ZBTB25: variants seen among roughly 807,000 people sequenced by gnomAD.
ZBTB25 encodes zinc finger and BTB domain-containing protein 25.
Under a neutral mutation model 34.2 loss-of-function variants are expected in ZBTB25, and 20 were observed. The observed-to-expected ratio is 0.58, with a 90% CI of 0.41 to 0.85. ZBTB25 has a LOEUF of 0.85. Ranked by LOEUF, ZBTB25 falls within the 40% of genes least tolerant of loss-of-function variation. The pLI is 0.00. For synonymous variants in ZBTB25, 175 were observed against 186.4 expected, an observed-to-expected ratio of 0.94 and a Z score of 0.50; for missense variants, 437 against 521.8, an observed-to-expected ratio of 0.84 and a Z score of 1.58.
chr14:64,487,679 C>T lies in ZBTB25; in HGVS notation c.552G>A (p.Gln184=). Residue 184 remains glutamine, a synonymous_variant, in exon 3 of 3, where the codon CAG becomes CAA. Coordinates refer to ENST00000608382, the MANE Select transcript of ZBTB25 (RefSeq NM_006977.5). ...IGLDDGTADQ[Q]RACPATQALE... ...GGGCCTGGGTGGCAGGACAGGCCCT[C>T]TGCTGGTCTGCAGTGCCATCATCCA... The T allele has an allele frequency of 6.2e-7, 1 of 1,609,002 alleles. No homozygotes were observed. The highest frequency in any genetic ancestry group is 2.2e-5 in the East Asian group (1 of 44,826).
At position 64,480,026 on chromosome 14, in the gene ZBTB25, T is replaced by C. The variant is rs1465969595; in HGVS notation, c.*6897A>G. ...AAAAGGCGATACAGTAGACTGTAAA[T>C]AGAGAAGAAAGAAGCAGCTGGGCGC... On this transcript the variant is annotated 3_prime_UTR_variant, in exon 3 of 3. Transcript: ENST00000608382. The C allele has an allele frequency of 6.3e-6, 1 of 158,618 alleles. No individual in the cohort carries two copies. Among genetic ancestry groups the C allele is most frequent in the Non-Finnish European group, 1.4e-5 (1 of 72,200 alleles). The allele number at this position is 158,618 out of a possible 1,614,324, so 9.8% of individuals were successfully genotyped here.
chr14:64,500,807 T>C (rs536441332), intron 1 of ZBTB25, among the ~76,000 whole-genome samples: 2 of 152,254 alleles, frequency 1.3e-5, no homozygotes, highest in Admixed American at 6.5e-5. Context: ...TCCCAGCACT[T>C]TGGGAGGCCA....
At chr14:64,458,209 C>G (rs377481249) in intron 2 of ZBTB25, 2 of 1,601,616 alleles carry the variant, frequency 1.2e-6, no homozygotes, top group African/African-American at 2.7e-5. Flanking sequence ...TTTTTTACAT[C>G]CTAGATGAGC....
rs378678 is a variant in ZBTB25 at position 64,485,425 on chromosome 14, C to T, written c.*1498G>A. On this transcript the variant is annotated 3_prime_UTR_variant, in exon 3 of 3. Transcript: ENST00000608382. ...TGCGGGGTTTGAAATTTAAACATTT[C>T]AGAAACAATTTAGATCTATCCTTTG... 1 of 985,420 alleles carries T rather than the reference C, an allele frequency of 1.0e-6. No homozygotes were observed. Among genetic ancestry groups the T allele is most frequent in the South Asian group, 4.7e-5 (1 of 21,286 alleles). The allele number at this position is 985,420 out of a possible 1,614,324, so 61.0% of individuals were successfully genotyped here. A position where few individuals can be genotyped will look rare whatever the true frequency, so the allele number is the denominator to read the frequency against.
At chr14:64,477,093 A>G (rs769276717), downstream of ZBTB25, among the ~76,000 whole-genome samples, 2 of 152,210 alleles carry the variant, frequency 1.3e-5, no homozygotes, top group Non-Finnish European at 2.9e-5. Context: ...CCACTTGTCT[A>G]TCTTAGTTTA....
intron 1 of ZBTB25, among the ~76,000 whole-genome samples, chr14:64,496,354 G>GA: frequency 6.6e-6 from 1 of 151,676 alleles, no homozygotes; most frequent in East Asian, 1.9e-4. Flanking sequence ...GCACAGTGGC[G>GA]TGTGCCTGTA....
rs1030328260 is a variant in ZBTB25 at position 64,478,898 on chromosome 14, A to G, written c.*8025T>C. The G allele has an allele frequency of 2.6e-5, 4 of 152,236 alleles. No individual in the cohort carries two copies. The highest frequency in any genetic ancestry group is 5.9e-5 in the Non-Finnish European group (4 of 68,038). 9.4% of individuals were successfully genotyped at this position (152,236 alleles called of 1,614,324 possible). A position where few individuals can be genotyped will look rare whatever the true frequency, so the allele number is the denominator to read the frequency against. On this transcript the variant is annotated 3_prime_UTR_variant, in exon 3 of 3. Transcript: ENST00000608382. ...GCCAGATTAAAAATTCACAGAAATT[A>G]TAACCTACAATCTCAATTTCATGAA... is the stretch of plus-strand genomic sequence containing the variant.
chr14:64,505,111 G>A (rs1050877631), upstream of ZBTB25: 12 of 348,920 alleles, frequency 3.4e-5, no homozygotes, highest in Admixed American at 2.4e-4. Flanking sequence ...CGGCTGCCAG[G>A]CCGCCTGCTT....
At chr14:64,467,783 A>G (rs1366880927) in intron 2 of ZBTB25, 1 of 152,166 alleles carries the variant, frequency 6.6e-6, no homozygotes, top group Non-Finnish European at 1.5e-5. Flanking sequence ...TAAAGATTAC[A>G]TCAGCTTGCT....
At chr14:64,501,218 A>C (rs191437770) in intron 1 of ZBTB25, among the ~76,000 whole-genome samples, 4 of 152,220 alleles carry the variant, frequency 2.6e-5, no homozygotes, top group African/African-American at 9.6e-5. Context: ...TTATTTTCAA[A>C]ACCTATTATT....
chr14:64,491,267 A>T (rs2079066069), intron 1 of ZBTB25, among the ~76,000 whole-genome samples: 1 of 152,168 alleles, frequency 6.6e-6, no homozygotes, highest in Admixed American at 6.5e-5. Flanking sequence ...GGTATTGGAG[A>T]CCAACCTGAG....
chr14:64,495,275 C>T (rs2079228865), intron 1 of ZBTB25, among the ~76,000 whole-genome samples: 1 of 152,154 alleles, frequency 6.6e-6, no homozygotes, highest in Non-Finnish European at 1.5e-5. Context: ...GTTCTGCCTC[C>T]CCTATGGTGG....
At chr14:64,474,496 T>C (rs1289207026), downstream of ZBTB25, 3 of 167,022 alleles carry the variant, frequency 1.8e-5, no homozygotes, top group Non-Finnish European at 4.4e-5. Flanking sequence ...AAATGTTATA[T>C]TGACTCATGT....
At chr14:64,495,386 T>C (rs572623298) in intron 1 of ZBTB25, among the ~76,000 whole-genome samples, 110 of 152,324 alleles carry the variant, frequency 7.2e-4, no homozygotes, top group African/African-American at 2.6e-3. Flanking sequence ...CAAGCAGAGT[T>C]TATAAACAGT....
intron 2 of ZBTB25, chr14:64,455,127 C>T (rs938145761): frequency 1.3e-4 from 62 of 475,756 alleles, no homozygotes; most frequent in Non-Finnish European, 2.1e-4. Context: ...TTCTGTTTCC[C>T]AGGGACAGTA....
intron 2 of ZBTB25, chr14:64,454,001 G>A: frequency 1.4e-6 from 1 of 697,330 alleles, no homozygotes; most frequent in South Asian, 1.5e-5. Context: ...GAAATACTGA[G>A]TTTGGATTAG....
intron 1 of ZBTB25, among the ~76,000 whole-genome samples, chr14:64,501,728 C>T (rs573422452): frequency 5.3e-5 from 8 of 152,346 alleles, no homozygotes; most frequent in Non-Finnish European, 8.8e-5. Flanking sequence ...TTATGCAACA[C>T]TTCCCAGCAC....
At chr14:64,449,579 C>T (rs773596898) in exon 3 of ZBTB25, 1 of 1,614,144 alleles carries the variant, frequency 6.2e-7, no homozygotes, top group Non-Finnish European at 8.5e-7. Flanking sequence ...GTCCAGAGAG[C>T]AGCACAAGCA....
At position 64,468,469 on chromosome 14, in the gene ZBTB25, T is replaced by G. The variant is rs763064052; in HGVS notation, c.174-18831A>C. Reference sequence around the variant, plus strand: ...GATCAGCAGAAGGTAGTCCTGGGGCTGAAAGGCAGAAGGAAAAGGCATCCA... The same window carrying G: ...GATCAGCAGAAGGTAGTCCTGGGGCGGAAAGGCAGAAGGAAAAGGCATCCA... On this transcript the variant is annotated intron_variant, in intron 2 of 2. Transcript: ENST00000555220. The G allele has an allele frequency of 1.1e-5, 17 of 1,614,074 alleles. No homozygotes were observed. The South Asian group carries it at 1.8e-4, about 17-fold the overall frequency.
Sources: gnomAD v4.1 joint callset for allele counts (sites outside exome capture counted in the v4.1 genomes callset) on GRCh38, gnomAD v4.1.1 for gene constraint, MANE v1.5 for transcripts, NCBI Gene and HGNC (gene_info 2026-07-23, HGNC 2026-07-21) for gene names.